The following DNHD1 variants were observed in gnomAD, a reference collection of about 807,000 sequenced individuals.
The protein encoded by DNHD1 is dynein heavy chain domain 1.
A neutral mutation model predicts 458.1 loss-of-function variants in DNHD1; 383 were observed. That is an observed-to-expected ratio of 0.84 (90% CI 0.77 to 0.91). DNHD1 has a LOEUF of 0.91. DNHD1 is among the 40% of genes least tolerant of loss of function. The pLI is 0.00. For missense variants in DNHD1, 5,336 were observed against 5,866.1 expected (o/e 0.91, Z 2.95); for synonymous variants, 2,203 against 2,376.9 (o/e 0.93, Z 2.13).
intron 31 of DNHD1, 70 bp from the exon 32 acceptor site, chr11:6,564,263 C>T (rs1853647586): frequency 1.4e-6 from 2 of 1,463,508 alleles, no homozygotes; most frequent in Non-Finnish European, 1.8e-6. Flanking sequence ...CCTTGCCCTC[C>T]CTCTGCCATA....
intron 14 of DNHD1, among the ~76,000 whole-genome samples, chr11:6,536,077 A>G (rs1174382508): frequency 6.6e-6 from 1 of 152,200 alleles, no homozygotes; most frequent in Non-Finnish European, 1.5e-5. Context: ...GTAGTAGTCC[A>G]GCTGAGAATG....
At position 6,548,388 on chromosome 11, in the gene DNHD1, C is replaced by T. The variant is rs1399805398; in HGVS notation, c.7084C>T (p.His2362Tyr). ...CATCAAAGGAACTTTGGGCACCTTT[C>T]ACCCTTCTATCCAGGTGTGAGGACA... ...SHIKGTLGTF[H>Y]PSIQTERLLY... The change falls in exon 23 of 43, where the codon CAC (histidine) becomes TAC (tyrosine). Residue 2362 changes from histidine to tyrosine, a missense_variant. Physicochemically the swap from His to Tyr is moderately conservative, Grantham distance 83 (BLOSUM62 2). Transcript: ENST00000254579. The surrounding 1 kb of genome is among the most constrained non-coding windows in gnomAD (Gnocchi z 4.4). 1.9e-5 allele frequency: 29 copies of T among 1,551,696 alleles called. No individual in the cohort carries two copies. The highest frequency in any genetic ancestry group is 2.5e-5 in the Non-Finnish European group (29 of 1,146,992).
Position 6,564,488 on chromosome 11 carries a change from T to A in DNHD1, c.10440T>A (p.Asp3480Glu), listed in dbSNP as rs147545086. ...CRGFQEALGP[D>E]DVAQALKRKQ... Reference sequence around the variant, plus strand: ...GCTTTCAGGAGGCTCTGGGCCCAGATGATGTGGCACAGGCACTGAAGCGGA... The same window carrying A: ...GCTTTCAGGAGGCTCTGGGCCCAGAAGATGTGGCACAGGCACTGAAGCGGA... Residue 3480 changes from aspartate to glutamate, a missense_variant, in exon 32 of 43, where the codon GAT (aspartate) becomes GAA (glutamate). This residue lies in a region of DNHD1 where 3,932 missense variants were observed against 4,365.6 expected (regional missense o/e 0.90). Coordinates refer to ENST00000254579, the MANE Select transcript of DNHD1 (RefSeq NM_144666.3). The A allele has an allele frequency of 6.4e-6, 10 of 1,551,668 alleles. No individual in the cohort carries two copies. Among genetic ancestry groups the A allele is most frequent in the South Asian group, 1.2e-5 (1 of 84,062 alleles).
chr11:6,552,335 C>A (rs1564818510), intron 24 of DNHD1, among the ~76,000 whole-genome samples: 1 of 151,846 alleles, frequency 6.6e-6, no homozygotes. Context: ...ACCAGCCTGG[C>A]CAACATGGTG....
intron 10 of DNHD1, 76 bp from the exon 11 acceptor site, chr11:6,528,444 CTG>C: frequency 6.9e-7 from 1 of 1,444,240 alleles, no homozygotes; most frequent in Non-Finnish European, 9.3e-7. Flanking sequence ...TGTACACACA[CTG>C]AGGGCAAGGA....
At chr11:6,555,310 A>T (rs927792143) in intron 24 of DNHD1, among the ~76,000 whole-genome samples, 5 of 152,072 alleles carry the variant, frequency 3.3e-5, no homozygotes, top group African/African-American at 1.2e-4. Flanking sequence ...CCGGCTCATT[A>T]TGCCCTCCTT....
chr11:6,535,530 A>G (rs1852928660), intron 14 of DNHD1, among the ~76,000 whole-genome samples: 1 of 152,244 alleles, frequency 6.6e-6, no homozygotes, highest in African/African-American at 2.4e-5. Flanking sequence ...AAAGTATTAA[A>G]GTGTTTAAAA....
intron 24 of DNHD1, among the ~76,000 whole-genome samples, chr11:6,554,853 A>G (rs1853428694): frequency 6.6e-6 from 1 of 152,240 alleles, no homozygotes; most frequent in Non-Finnish European, 1.5e-5. Flanking sequence ...AGTTTCTTAC[A>G]AAATTAAATA....
chr11:6,533,641 G>A, intron 13 of DNHD1, 40 bp from the exon 14 acceptor site: 2 of 1,515,614 alleles, frequency 1.3e-6, no homozygotes, highest in Non-Finnish European at 1.8e-6. Context: ...GAGGTACATG[G>A]GGTTGTGGGG....
In DNHD1 at chr11:6,544,105, G is replaced by A. The variant is rs1388758684; in HGVS notation, c.3629-16G>A. 1 of 1,550,858 alleles carries A rather than the reference G, an allele frequency of 6.4e-7. No individual in the cohort carries two copies. The highest frequency in any genetic ancestry group is 8.7e-7 in the Non-Finnish European group (1 of 1,146,568). ...CTTGCCTCATCTGACTGCCAGTTCA[G>A]CTTTTTCTGTCTTAGATTACAGCAA... On this transcript the variant is annotated splice_polypyrimidine_tract_variant and intron_variant, in intron 18 of 42. Coordinates refer to ENST00000254579, the MANE Select transcript of DNHD1 (RefSeq NM_144666.3).
intron 10 of DNHD1, among the ~76,000 whole-genome samples, chr11:6,527,630 A>G (rs902585538): frequency 3.3e-5 from 5 of 152,194 alleles, no homozygotes; most frequent in African/African-American, 1.2e-4. Flanking sequence ...GAGTTAAGTG[A>G]GAGATCTGGG....
Position 6,567,797 on chromosome 11 carries a change from C to A in DNHD1, c.12288C>A (p.Gly4096=). 3.1e-6 allele frequency: 5 copies of A among 1,613,752 alleles called. No homozygotes were observed. Among genetic ancestry groups the A allele is most frequent in the Non-Finnish European group, 4.2e-6 (5 of 1,179,890 alleles). The change falls in exon 36 of 43, where the codon GGC becomes GGA. Residue 4096 remains glycine (G), a synonymous_variant. Coordinates refer to ENST00000254579, the MANE Select transcript of DNHD1 (RefSeq NM_144666.3). The part of the protein sequence containing the change: ...QPMLILLPPP[G]HPSATLHPLT... ...TGCTGATCTTGTTGCCACCGCCTGGCCACCCCTCAGCCACTCTGCATCCTC... is the reference window on the plus strand; with the variant it reads ...TGCTGATCTTGTTGCCACCGCCTGGACACCCCTCAGCCACTCTGCATCCTC...
chr11:6,565,686 C>A lies in DNHD1; in HGVS notation c.10757-9C>A. ...CTAAGAAGAGCTCCTCTGAATCTTT[C>A]TGCCCCAGGGAAAGGCCTCATGAGA... On this transcript the variant is annotated splice_polypyrimidine_tract_variant and intron_variant, in intron 32 of 42. Transcript: ENST00000254579. 6.5e-7 allele frequency: 1 copy of A among 1,538,132 alleles called. No individual in the cohort carries two copies. Among genetic ancestry groups the A allele is most frequent in the Non-Finnish European group, 8.8e-7 (1 of 1,141,726 alleles).
At chr11:6,513,064 A>G (rs1046439866) in intron 7 of DNHD1, among the ~76,000 whole-genome samples, 7 of 152,130 alleles carry the variant, frequency 4.6e-5, no homozygotes, top group Admixed American at 6.6e-5. Context: ...CTTCCAGACA[A>G]TAAATGCTGG....
rs1303188522 is a variant in DNHD1, at chr11:6,498,050, C to T, written c.-166C>T. ...CCAGGTCCTTTCTTCCTCCTAACCC[C>T]ATTGACTCTGACCATCCCCTGCCCA... is the stretch of plus-strand genomic sequence containing the variant. On this transcript the variant is annotated 5_prime_UTR_variant, in exon 3 of 43. Transcript: ENST00000254579. 2 of 897,476 alleles carry T rather than the reference C, an allele frequency of 2.2e-6. No individual in the cohort carries two copies. The highest frequency in any genetic ancestry group is 2.4e-5 in the East Asian group (1 of 41,354). 55.6% of individuals were successfully genotyped at this position (897,476 alleles called of 1,614,324 possible). A position where few individuals can be genotyped will look rare whatever the true frequency, so the allele number is the denominator to read the frequency against.
At position 6,545,304 on chromosome 11, in the gene DNHD1, G is replaced by A; in HGVS notation, c.4365G>A (p.Leu1455=). Residue 1455 remains leucine (L), a synonymous_variant, in exon 21 of 43, where the codon CTG becomes CTA. Coordinates refer to ENST00000254579, the MANE Select transcript of DNHD1 (RefSeq NM_144666.3). The surrounding 1 kb of genome is among the most constrained non-coding windows in gnomAD (Gnocchi z 4.9). ...GGCTGGCCTCTCTGGAGAAGTGTCT[G>A]CGCTTGGCACTGGTGCACATGCTGC... The part of the protein sequence containing the change: ...PKWLASLEKC[L]RLALVHMLQG... The A allele has an allele frequency of 1.3e-6, 2 of 1,551,742 alleles. No homozygotes were observed. Among genetic ancestry groups the A allele is most frequent in the Non-Finnish European group, 1.7e-6 (2 of 1,147,012 alleles).
At position 6,567,378 on chromosome 11, in the gene DNHD1, C is replaced by G. The variant is rs1407508277; in HGVS notation, c.11869C>G (p.Leu3957Val). 1.2e-6 allele frequency: 2 copies of G among 1,613,922 alleles called. No individual in the cohort carries two copies. Among genetic ancestry groups the G allele is most frequent in the Non-Finnish European group, 1.7e-6 (2 of 1,179,780 alleles). The stretch of plus-strand genomic sequence containing the variant: ...AGCATCAGAGCTGGAAAGACTGGCA[C>G]TCTGGCCTGGACTAGCAGCCTCTCC... ...GKASELERLA[L>V]WPGLAASPST... Residue 3957 changes from leucine (L) to valine (V), a missense_variant, in exon 36 of 43, where the codon CTC becomes GTC. Around this residue, in one of 4 missense-constraint regions of DNHD1, gnomAD observed 695 missense variants for 804.2 expected, o/e 0.86. Coordinates refer to ENST00000254579, the MANE Select transcript of DNHD1 (RefSeq NM_144666.3).
intron 4 of DNHD1, chr11:6,504,164 T>C (rs2134367452): frequency 6.6e-6 from 1 of 152,374 alleles, no homozygotes; most frequent in Non-Finnish European, 1.5e-5. Flanking sequence ...TTCATTCATT[T>C]ACTGATCAAT....
Position 6,538,456 on chromosome 11 carries a change from G to C in DNHD1, c.3072G>C (p.Leu1024=). The C allele has an allele frequency of 6.4e-7, 1 of 1,551,798 alleles. No homozygotes were observed. The highest frequency in any genetic ancestry group is 8.7e-7 in the Non-Finnish European group (1 of 1,147,014). The change falls in exon 15 of 43, where the codon CTG becomes CTC. Residue 1024 remains leucine (L), a synonymous_variant. Coordinates refer to ENST00000254579, the MANE Select transcript of DNHD1 (RefSeq NM_144666.3). ...TGCAGCAGCAGCGCATATGGCACCT[G>C]TACCGAGTCATCTCCGAAAACATCA... ...PIVQQQRIWH[L]YRVISENISE...
Sources: gnomAD v4.1 joint callset for allele counts (sites outside exome capture counted in the v4.1 genomes callset) on GRCh38, gnomAD v4.1.1 for gene constraint, gnomAD v4.1.1 regional missense constraint, Gnocchi (gnomAD v3.1) non-coding constraint, MANE v1.5 for transcripts, NCBI Gene and HGNC (gene_info 2026-07-23, HGNC 2026-07-21) for gene names.